The following KDM1A variants were observed in gnomAD, a reference collection of about 807,000 sequenced individuals.
KDM1A encodes the protein lysine-specific histone demethylase 1A.
A neutral mutation model predicts 109.4 loss-of-function variants in KDM1A; 49 were observed. That is an observed-to-expected ratio of 0.45 (90% confidence interval 0.36 to 0.57). KDM1A has a LOEUF of 0.57. Ranked by LOEUF, KDM1A falls within the 20% of genes least tolerant of loss-of-function variation. The pLI is 0.00. For missense variants in KDM1A, 668 were observed against 1,116.6 expected (o/e 0.60, Z 5.73); for synonymous variants, 380 against 415.4 (o/e 0.91, Z 1.04).
chr1:23,057,764 T>C (rs1345756322), intron 8 of KDM1A, 199 bp downstream of exon 8: 3 of 352,060 alleles, frequency 8.5e-6, no homozygotes, highest in Non-Finnish European at 1.6e-5. Flanking sequence ...TAGGAAATTA[T>C]CATATGAAGA....
chr1:23,057,719 C>A, intron 8 of KDM1A, 154 bp downstream of exon 8: 4 of 390,164 alleles, frequency 1.0e-5, no homozygotes, highest in East Asian at 4.8e-5. Context: ...GTAAATTGTA[C>A]ATATCTTTTG....
In KDM1A at chr1:23,077,577, A is replaced by G. The variant is rs554213412; in HGVS notation, c.1867+217A>G. On this transcript the variant is annotated intron_variant, in intron 16 of 20. Transcript: ENST00000400181. ...ATCGAAGCAAGTTTTAGAGTTTCCAATTTGTGCATGAGCTAGTTGGATATT... is the reference window on the plus strand; with the variant it reads ...ATCGAAGCAAGTTTTAGAGTTTCCAGTTTGTGCATGAGCTAGTTGGATATT... Among the ~76,000 whole-genome samples, 20 of 152,274 alleles carry G rather than the reference A, an allele frequency of 1.3e-4. No homozygotes were observed. In the East Asian group the frequency reaches 3.3e-3, roughly 25 times the overall value.
chr1:23,072,943 C>CCATCCTTT (rs1487140676), intron 14 of KDM1A, among the ~76,000 whole-genome samples: 3 of 152,146 alleles, frequency 2.0e-5, no homozygotes, highest in Non-Finnish European at 4.4e-5. Flanking sequence ...TCCAGCCTGC[C>CCATCCTTT]CATCCTTTCT....
chr1:23,027,413 CTTT>C (rs34416518), intron 1 of KDM1A, among the ~76,000 whole-genome samples: 6 of 115,290 alleles, frequency 5.2e-5, no homozygotes, highest in Non-Finnish European at 8.4e-5. Flanking sequence ...GTTTTGTTTG[CTTT>C]TTTTTTTTTT....
chr1:23,030,542 A>G lies in KDM1A; in HGVS notation c.425A>G (p.Asn142Ser). The change falls in exon 2 of 21, where the codon AAT becomes AGT. Residue 142 changes from asparagine (N) to serine (S), a missense_variant. Coordinates refer to ENST00000400181, the MANE Select transcript of KDM1A (RefSeq NM_001009999.3). ...GAGTATTATTCAGAAGAAGAGAGAA[A>G]TGCCAAAGCAGAGAAGGAAAAGAAG... Reference protein sequence around the residue: ...EDEYYSEEERNAKAEKEKKLP... With the variant: ...EDEYYSEEERSAKAEKEKKLP... The G allele has an allele frequency of 6.2e-7, 1 of 1,612,816 alleles. No individual in the cohort carries two copies. The highest frequency in any genetic ancestry group is 1.1e-5 in the South Asian group (1 of 90,790).
chr1:23,052,972 G>C (rs951735732), intron 4 of KDM1A, among the ~76,000 whole-genome samples: 1 of 151,976 alleles, frequency 6.6e-6, no homozygotes, highest in African/African-American at 2.4e-5. Context: ...ATTTCTTCTT[G>C]TTATCTTGGA....
chr1:23,021,247 G>T (rs1641618850), intron 1 of KDM1A, among the ~76,000 whole-genome samples: 1 of 152,184 alleles, frequency 6.6e-6, no homozygotes, highest in South Asian at 2.1e-4. Flanking sequence ...GCATGGGTTA[G>T]AAAAGCACAG....
chr1:23,072,719 C>T (rs1412899530), intron 14 of KDM1A, among the ~76,000 whole-genome samples: 1 of 152,178 alleles, frequency 6.6e-6, no homozygotes, highest in East Asian at 1.9e-4. Context: ...GATCTCAGCT[C>T]ACTGCAACAT....
chr1:23,044,982 C>T (rs950185739), intron 3 of KDM1A, among the ~76,000 whole-genome samples: 3 of 152,128 alleles, frequency 2.0e-5, no homozygotes, highest in Non-Finnish European at 2.9e-5. Context: ...GTTAACATTA[C>T]GTAGTTAATC....
At chr1:23,067,054 T>G (rs1160377454) in intron 10 of KDM1A, among the ~76,000 whole-genome samples, 1 of 152,236 alleles carries the variant, frequency 6.6e-6, no homozygotes, top group South Asian at 2.1e-4. Context: ...CACAGGTTTT[T>G]GATCTACCAG....
At chr1:23,071,184 A>T (rs1018544454) in intron 12 of KDM1A, 41 bp from the exon 13 acceptor site, 5 of 1,554,154 alleles carry the variant, frequency 3.2e-6, no homozygotes, top group African/African-American at 1.4e-5. Context: ...CATAAACTAC[A>T]TTGCTATCTG....
At chr1:23,081,221 G>C (rs867984080) in intron 18 of KDM1A, 18 of 489,238 alleles carry the variant, frequency 3.7e-5, no homozygotes, top group South Asian at 1.2e-4. Context: ...AGGTGCCTGA[G>C]AATCTTACTT....
At chr1:23,071,686 A>C (rs957846547) in intron 13 of KDM1A, among the ~76,000 whole-genome samples, 1 of 152,176 alleles carries the variant, frequency 6.6e-6, no homozygotes, top group African/African-American at 2.4e-5. Flanking sequence ...CCTAACTTGG[A>C]ATCTCGAGCC....
At chr1:23,082,633 A>G in intron 20 of KDM1A, 1 of 350,252 alleles carries the variant, frequency 2.9e-6, no homozygotes, top group East Asian at 4.5e-5. Context: ...CCTAAAAAAC[A>G]AAACCATTTT....
chr1:23,079,195 C>CTCCT lies in KDM1A; in HGVS notation c.2055+19_2055+22dup. 2 of 1,608,414 alleles carry CTCCT rather than the reference C, an allele frequency of 1.2e-6. No individual in the cohort carries two copies. The highest frequency in any genetic ancestry group is 1.7e-6 in the Non-Finnish European group (2 of 1,175,768). On this transcript the variant is annotated intron_variant, in intron 17 of 20. Coordinates refer to ENST00000400181, the MANE Select transcript of KDM1A (RefSeq NM_001009999.3). The surrounding 1 kb of genome is among the most constrained non-coding windows in gnomAD (Gnocchi z 5.6). The stretch of plus-strand genomic sequence containing the variant: ...TTAACAAGGTAGCTTGCCCTAGACA[C>CTCCT]TCCTGTCTACAGATCTGATGTACAA...
intron 1 of KDM1A, among the ~76,000 whole-genome samples, chr1:23,024,441 T>G (rs548862975): frequency 1.4e-4 from 22 of 152,294 alleles, no homozygotes; most frequent in African/African-American, 5.1e-4. Flanking sequence ...GTGCATGTAT[T>G]TTATGACTTG....
intron 2 of KDM1A, among the ~76,000 whole-genome samples, chr1:23,032,527 A>G (rs1642016259): frequency 6.6e-6 from 1 of 152,104 alleles, no homozygotes. Flanking sequence ...TAAAATTTTA[A>G]GTTGAGGATA....
intron 10 of KDM1A, 76 bp from the exon 11 acceptor site, chr1:23,068,463 A>G (rs1033903701): frequency 1.5e-5 from 19 of 1,237,510 alleles, no homozygotes; most frequent in Middle Eastern, 2.0e-4. Context: ...TTTATAAACT[A>G]TAGAGCATTT....
rs3753257 is a variant in KDM1A, at chr1:23,053,661, T to C, written c.712-100T>C. On this transcript the variant is annotated intron_variant, in intron 4 of 20. Coordinates refer to ENST00000400181, the MANE Select transcript of KDM1A (RefSeq NM_001009999.3). ...TCAGCCTCCCAAACTGCTGGGATTA[T>C]AGGTGTGAGCCACTGCAGCCAGCTA... 15 of 784,894 alleles carry C rather than the reference T, an allele frequency of 1.9e-5. No individual in the cohort carries two copies. The East Asian group carries it at 4.0e-4, about 21-fold the overall frequency. The allele number at this position is 784,894 out of a possible 1,614,324, so 48.6% of individuals were successfully genotyped here.
Sources: allele counts gnomAD v4.1 joint callset (sites outside exome capture counted in the v4.1 genomes callset), GRCh38; gene constraint gnomAD v4.1.1; non-coding constraint Gnocchi (gnomAD v3.1); transcripts MANE v1.5; gene names NCBI Gene and HGNC (gene_info 2026-07-23, HGNC 2026-07-21).